The following SETX variants were observed in gnomAD, a reference collection of about 807,000 sequenced individuals.
The protein encoded by SETX is senataxin.
Under a neutral mutation model 227.2 loss-of-function variants are expected in SETX, and 90 were observed. That is an observed-to-expected ratio of 0.40 (90% CI 0.33 to 0.47). The LOEUF (loss-of-function observed/expected upper bound fraction) is 0.47. SETX is among the 20% of genes least tolerant of loss of function. SETX has a pLI of 0.91. For synonymous variants in SETX, 1,210 were observed against 1,113.2 expected, an observed-to-expected ratio of 1.09 and a Z score of -1.73; for missense variants, 3,052 against 3,181.5, an observed-to-expected ratio of 0.96 and a Z score of 0.98.
At chr9:132,292,415 C>CAAAAAAAAAAAA (rs60253119) in intron 15 of SETX, among the ~76,000 whole-genome samples, 2 of 61,092 alleles carry the variant, frequency 3.3e-5, no homozygotes, top group Non-Finnish European at 8.2e-5. Context: ...AGCTGGGGTA[C>CAAAAAAAAAAAA]AAAAAAAAAA....
chr9:132,355,971 A>G (rs1325265461), upstream of SETX, among the ~76,000 whole-genome samples: 3 of 127,716 alleles, frequency 2.3e-5, no homozygotes, highest in Non-Finnish European at 3.2e-5. Context: ...TGGGCAAAGG[A>G]GCGAGACTCT....
chr9:132,277,997 C>A, intron 21 of SETX, 73 bp downstream of exon 21: 1 of 1,405,604 alleles, frequency 7.1e-7, no homozygotes, highest in Non-Finnish European at 1.0e-6. Flanking sequence ...CCTAAGACGA[C>A]AGTAAAATGT....
At chr9:132,305,121 G>A (rs1003496961) in intron 11 of SETX, among the ~76,000 whole-genome samples, 6 of 151,954 alleles carry the variant, frequency 3.9e-5, no homozygotes, top group Admixed American at 6.6e-5. Flanking sequence ...TTGGGAGGCC[G>A]AGGCGGGCGG....
intron 10 of SETX, among the ~76,000 whole-genome samples, chr9:132,324,755 A>G (rs150521614): frequency 6.6e-6 from 1 of 152,276 alleles, no homozygotes; most frequent in African/African-American, 2.4e-5. Flanking sequence ...AATATCTATC[A>G]AGCTAATGAA....
intron 1 of SETX, among the ~76,000 whole-genome samples, chr9:132,354,208 C>T (rs545791463): frequency 6.6e-4 from 101 of 152,314 alleles, no homozygotes; most frequent in Admixed American, 1.6e-3. Flanking sequence ...AAGCTCCAGC[C>T]CCTCCAAGTG....
chr9:132,264,706 T>G lies in SETX; in HGVS notation c.7567A>C (p.Thr2523Pro). 5 of 1,614,194 alleles carry G rather than the reference T, an allele frequency of 3.1e-6. No homozygotes were observed. Among genetic ancestry groups the G allele is most frequent in the Non-Finnish European group, 4.2e-6 (5 of 1,180,024 alleles). ...SDSKEITLTV[T>P]SKDPERPPVH... ...GGAGGTCTTTCAGGGTCCTTTGAAG[T>G]AACAGTAAGAGTAATTTCCTTGGAG... Residue 2523 changes from threonine (T) to proline (P), a missense_variant, in exon 26 of 26, where the codon ACT (threonine) becomes CCT (proline). Thr to Pro is a conservative substitution (Grantham distance 38, BLOSUM62 -1). Around this residue, in one of 10 missense-constraint regions of SETX, gnomAD observed 294 missense variants for 278.8 expected, o/e 1.05. Transcript: ENST00000224140.
intron 13 of SETX, among the ~76,000 whole-genome samples, chr9:132,297,753 C>T (rs777280683): frequency 2.0e-4 from 31 of 152,160 alleles, no homozygotes; most frequent in Non-Finnish European, 3.5e-4. Flanking sequence ...CCAACAATAC[C>T]GGCCAATTCT....
At chr9:132,303,961 A>C (rs891716646) in intron 11 of SETX, among the ~76,000 whole-genome samples, 1 of 152,152 alleles carries the variant, frequency 6.6e-6, no homozygotes, top group African/African-American at 2.4e-5. Context: ...GTTTCTACTA[A>C]AAATACAAAA....
chr9:132,322,598 C>A (rs935257414), intron 10 of SETX, among the ~76,000 whole-genome samples: 2 of 152,152 alleles, frequency 1.3e-5, no homozygotes, highest in Admixed American at 1.3e-4. Context: ...TATGAACAGA[C>A]CTGTTTATCC....
intron 15 of SETX, 21 bp from the exon 16 acceptor site, chr9:132,288,672 T>G (rs1198139435): frequency 7.2e-7 from 1 of 1,388,482 alleles, no homozygotes; most frequent in South Asian, 1.2e-5. Flanking sequence ...GAATCACAGT[T>G]AAGGACTAAT....
At chr9:132,294,774 C>A (rs1473315375) in intron 15 of SETX, among the ~76,000 whole-genome samples, 1 of 152,152 alleles carries the variant, frequency 6.6e-6, no homozygotes, top group East Asian at 1.9e-4. Flanking sequence ...CAGGTGCACT[C>A]GAGAATGGAG....
rs1186648012 is a variant in SETX at position 132,326,546 on chromosome 9, A to T, written c.5052T>A (p.Ser1684=). ...VPFGESKYFP[S]SSPVNILLSS... is the part of the protein sequence containing the mutation. ...ACAAAAGAATGTTTACTGGAGAGGA[A>T]GATGGAAAATATTTGCTTTCACCAA... is the stretch of plus-strand genomic sequence containing the variant. Residue 1684 remains serine (S), a synonymous_variant, in exon 10 of 26, where the codon TCT becomes TCA. Coordinates refer to ENST00000224140, the MANE Select transcript of SETX (RefSeq NM_015046.7). The T allele has an allele frequency of 6.2e-7, 1 of 1,614,226 alleles. No individual in the cohort carries two copies. Among genetic ancestry groups the T allele is most frequent in the South Asian group, 1.1e-5 (1 of 91,086 alleles).
rs1378038502 is a variant in SETX, at chr9:132,328,763, G to A, written c.2835C>T (p.Asp945=). ...TTAAGGTGTCAGATTTAGGACTGAT[G>A]TCAGGGGCCTGTTCTCTTGTCAAGT... ...YSNLTREQAP[D]ISPKSDTLTD... is the part of the protein sequence containing the mutation. The change falls in exon 10 of 26, where the codon GAC becomes GAT. Residue 945 remains aspartate (D), a synonymous_variant. Transcript: ENST00000224140. The A allele has an allele frequency of 1.2e-6, 2 of 1,611,516 alleles. No individual in the cohort carries two copies. Among genetic ancestry groups the A allele is most frequent in the Non-Finnish European group, 1.7e-6 (2 of 1,179,082 alleles).
intron 4 of SETX, among the ~76,000 whole-genome samples, chr9:132,344,983 TATA>T (rs1848205243): frequency 6.6e-6 from 1 of 152,102 alleles, no homozygotes; most frequent in African/African-American, 2.4e-5. Context: ...TCTAGACAGC[TATA>T]ATAAGCCATG....
intron 10 of SETX, among the ~76,000 whole-genome samples, chr9:132,316,742 T>A (rs1180319018): frequency 6.6e-6 from 1 of 152,164 alleles, no homozygotes; most frequent in African/African-American, 2.4e-5. Flanking sequence ...AAGAAGGAGT[T>A]CCTTCTTAGG....
chr9:132,294,350 A>T (rs537260771), intron 15 of SETX, among the ~76,000 whole-genome samples: 23 of 152,360 alleles, frequency 1.5e-4, no homozygotes, highest in Middle Eastern at 6.8e-3. Flanking sequence ...AGTTTGAAAT[A>T]AAAAATTGAA....
intron 1 of SETX, among the ~76,000 whole-genome samples, chr9:132,354,443 C>A (rs371098102): frequency 2.4e-4 from 36 of 149,312 alleles, no homozygotes; most frequent in African/African-American, 8.6e-4. Context: ...TTGCTGCGAG[C>A]CGTGACTGTT....
chr9:132,337,584 G>A (rs1463675504), intron 5 of SETX, among the ~76,000 whole-genome samples: 1 of 152,118 alleles, frequency 6.6e-6, no homozygotes, highest in East Asian at 1.9e-4. Flanking sequence ...GAAAAACACA[G>A]ACCCCACAGG....
chr9:132,290,035 C>T (rs1409661924), intron 15 of SETX, among the ~76,000 whole-genome samples: 1 of 150,454 alleles, frequency 6.6e-6, no homozygotes, highest in Admixed American at 6.6e-5. Flanking sequence ...ATGGCAAAAC[C>T]CCATTTCTAC....
Sources: allele counts gnomAD v4.1 joint callset (sites outside exome capture counted in the v4.1 genomes callset), GRCh38; gene constraint gnomAD v4.1.1; regional missense constraint gnomAD v4.1.1; transcripts MANE v1.5; gene names NCBI Gene and HGNC (gene_info 2026-07-23, HGNC 2026-07-21).